Variants in SGCZ observed in about 807,000 individuals in gnomAD.
The protein encoded by SGCZ is sarcoglycan zeta.
In SGCZ, 40 loss-of-function variants were observed where a neutral mutation model predicts 41.3. The ratio of observed to expected loss-of-function variants is 0.97; its 90% CI spans 0.75 to 1.26. The LOEUF (loss-of-function observed/expected upper bound fraction) is 1.26. Ranked by LOEUF, SGCZ falls within the 50% of genes most tolerant of loss-of-function variation. The pLI is 0.00. For synonymous variants in SGCZ, 206 were observed against 137.5 expected (o/e 1.50, Z -3.49); for missense variants, 552 against 369.8 (o/e 1.49, Z -4.04).
chr8:14,438,969 G>C (rs919750084), intron 2 of SGCZ, among the ~76,000 whole-genome samples: 14 of 151,862 alleles, frequency 9.2e-5, no homozygotes, highest in African/African-American at 3.4e-4. Flanking sequence ...AATAATTTTT[G>C]TAAATCTTTG....
Position 14,246,189 on chromosome 8 carries a change from A to G in SGCZ, c.337-8510T>C, listed in dbSNP as rs192251220. On this transcript the variant is annotated intron_variant, in intron 3 of 7. Transcript: ENST00000382080. Reference sequence around the variant, plus strand: ...TGTATTCACAATAGCAAAGACTTGGAACCAAACCAAATGTCCAACAATGAT... The same window carrying G: ...TGTATTCACAATAGCAAAGACTTGGGACCAAACCAAATGTCCAACAATGAT... 3.7e-3 allele frequency among the ~76,000 whole-genome samples: 558 copies of G among 152,314 alleles called. 3 individuals are homozygous for G. Among genetic ancestry groups the G allele is most frequent in the Non-Finnish European group, 5.9e-3 (398 of 68,022 alleles).
At chr8:15,061,606 C>A (rs995102095) in intron 1 of SGCZ, among the ~76,000 whole-genome samples, 1 of 151,810 alleles carries the variant, frequency 6.6e-6, no homozygotes, top group African/African-American at 2.4e-5. Context: ...CTGTCCTGCT[C>A]TTCTGTTGAG....
In SGCZ at chr8:14,643,733, C is replaced by A. The variant is rs1225702026; in HGVS notation, c.40-88807G>T. On this transcript the variant is annotated intron_variant, in intron 1 of 7. Transcript: ENST00000382080. Reference sequence around the variant, plus strand: ...AGCTTGGAAATATCTGAAAGATAAACCAGGCCTGTCTTGCATAATATAGTA... The same window carrying A: ...AGCTTGGAAATATCTGAAAGATAAAACAGGCCTGTCTTGCATAATATAGTA... Among the ~76,000 whole-genome samples the A allele has an allele frequency of 3.3e-5, 5 of 151,634 alleles. No individual in the cohort carries two copies. In the East Asian group the frequency reaches 9.7e-4, roughly 30 times the overall value.
intron 4 of SGCZ, among the ~76,000 whole-genome samples, chr8:14,218,127 TAATAAGGCAAAGC>T (rs1465269468): frequency 6.6e-6 from 1 of 152,174 alleles, no homozygotes; most frequent in Admixed American, 6.5e-5. Context: ...CTAGGCAGTA[TAATAAGGCAAAGC>T]ATTTAAAATA....
At chr8:14,406,830 G>A (rs1262838970) in intron 2 of SGCZ, among the ~76,000 whole-genome samples, 1 of 152,130 alleles carries the variant, frequency 6.6e-6, no homozygotes, top group Admixed American at 6.6e-5. Context: ...GTGCAGCACT[G>A]ATTCTGAGAT....
intron 1 of SGCZ, among the ~76,000 whole-genome samples, chr8:14,698,631 G>T (rs1809039461): frequency 6.6e-6 from 1 of 151,732 alleles, no homozygotes. Context: ...CATATGTGTG[G>T]GGGGGTATAA....
intron 2 of SGCZ, among the ~76,000 whole-genome samples, chr8:14,437,114 A>G (rs1800115875): frequency 6.6e-6 from 1 of 152,190 alleles, no homozygotes; most frequent in Admixed American, 6.5e-5. Flanking sequence ...AGAATTTGTC[A>G]ACATTTGGAA....
chr8:14,185,452 C>G (rs1387879512), intron 4 of SGCZ, among the ~76,000 whole-genome samples: 2 of 151,982 alleles, frequency 1.3e-5, no homozygotes, highest in Admixed American at 6.6e-5. Flanking sequence ...GGCTTTCATT[C>G]TCATTACTCA....
intron 2 of SGCZ, among the ~76,000 whole-genome samples, chr8:14,373,124 C>A (rs1047745686): frequency 1.3e-5 from 2 of 152,220 alleles, no homozygotes; most frequent in East Asian, 3.9e-4. Context: ...ATGGTAGCAA[C>A]TGATTTAATA....
At chr8:14,833,343 G>C (rs1411573185) in intron 1 of SGCZ, among the ~76,000 whole-genome samples, 1 of 152,062 alleles carries the variant, frequency 6.6e-6, no homozygotes, top group East Asian at 1.9e-4. Flanking sequence ...CCATCTAAGC[G>C]CACTGAAATT....
chr8:14,624,555 A>ATTATTATTATTTTTTT (rs1438250019), intron 1 of SGCZ, among the ~76,000 whole-genome samples: 2 of 96,268 alleles, frequency 2.1e-5, no homozygotes, highest in Non-Finnish European at 4.0e-5. Context: ...TATTATTATT[A>ATTATTATTATTTTTTT]TTTTTTTTTT....
At position 15,096,271 on chromosome 8, in the gene SGCZ, A is replaced by G. The variant is rs187967844; in HGVS notation, c.39+141314T>C. ...TTTGGTAATTTTTTTTTTTTTCAGT[A>G]GAGATGGGGTTTCACCATATTGGCC... On this transcript the variant is annotated intron_variant, in intron 1 of 7. Transcript: ENST00000382080. Among the ~76,000 whole-genome samples, 777 of 151,204 alleles carry G rather than the reference A, an allele frequency of 5.1e-3. 2 individuals are homozygous for G. The highest frequency in any genetic ancestry group is 0.018 in the African/African-American group (747 of 41,156).
chr8:15,063,167 C>G (rs984400281), intron 1 of SGCZ, among the ~76,000 whole-genome samples: 1 of 152,002 alleles, frequency 6.6e-6, no homozygotes, highest in Non-Finnish European at 1.5e-5. Flanking sequence ...CCCACTAGTT[C>G]GATAGACTTC....
At chr8:14,774,937 TGA>T (rs1186718142) in intron 1 of SGCZ, among the ~76,000 whole-genome samples, 1 of 152,158 alleles carries the variant, frequency 6.6e-6, no homozygotes, top group Admixed American at 6.6e-5. Flanking sequence ...GGTTTTAATC[TGA>T]CAATCTAAGA....
intron 1 of SGCZ, among the ~76,000 whole-genome samples, chr8:15,020,914 G>C (rs574619480): frequency 6.6e-6 from 1 of 152,210 alleles, no homozygotes; most frequent in South Asian, 2.1e-4. Flanking sequence ...AGTTAAAAGT[G>C]GTTATTTTAG....
At chr8:14,624,275 C>G (rs1487970780) in intron 1 of SGCZ, among the ~76,000 whole-genome samples, 4 of 151,970 alleles carry the variant, frequency 2.6e-5, no homozygotes, top group Non-Finnish European at 5.9e-5. Flanking sequence ...CTTAGGAATC[C>G]CCCAATAACA....
rs60552226 is a variant in SGCZ, at chr8:14,811,461, C to A, written c.40-256535G>T. On this transcript the variant is annotated intron_variant, in intron 1 of 7. Transcript: ENST00000382080. ...ACAAAAACAAAAACAACCTGGAGAT[C>A]GTCAGAGATACTAAGTGACTTGCCT... Among the ~76,000 whole-genome samples, 426 of 142,564 alleles carry A rather than the reference C, an allele frequency of 3.0e-3. 3 individuals are homozygous for A. The highest frequency in any genetic ancestry group is 0.011 in the African/African-American group (404 of 38,366). The allele number at this position is 142,564 out of a possible 152,430, so 93.5% of individuals were successfully genotyped here.
At chr8:14,836,700 C>G (rs1159154825) in intron 1 of SGCZ, among the ~76,000 whole-genome samples, 2 of 152,080 alleles carry the variant, frequency 1.3e-5, no homozygotes, top group Non-Finnish European at 2.9e-5. Context: ...ACGGTTTTAC[C>G]GTGTTGGCCA....
chr8:14,908,642 C>A (rs913615558), intron 1 of SGCZ, among the ~76,000 whole-genome samples: 6 of 148,572 alleles, frequency 4.0e-5, no homozygotes, highest in Non-Finnish European at 8.9e-5. Context: ...CCCAGCTACT[C>A]AGGAGGCTGA....
Sources: allele counts gnomAD v4.1 joint callset (sites outside exome capture counted in the v4.1 genomes callset), GRCh38; gene constraint gnomAD v4.1.1; transcripts MANE v1.5; gene names NCBI Gene and HGNC (gene_info 2026-07-23, HGNC 2026-07-21).